The following PROKR2 variants were observed in gnomAD, a reference collection of about 807,000 sequenced individuals.
PROKR2 encodes the protein G protein-coupled receptor 73-like 1.
PROKR2 carries 26 observed loss-of-function variants against 23.4 expected under a neutral mutation model. The observed-to-expected ratio is 1.11, with a 90% confidence interval of 0.81 to 1.54. The LOEUF is 1.54. Ranked by LOEUF, PROKR2 falls within the 40% of genes most tolerant of loss-of-function variation. The pLI is 0.00. For synonymous variants in PROKR2, 212 were observed against 201.2 expected, an observed-to-expected ratio of 1.05 and a Z score of -0.45; for missense variants, 453 against 511.5, an observed-to-expected ratio of 0.89 and a Z score of 1.10.
In PROKR2 at chr20:5,314,184, G is replaced by A. The variant is rs1377174077; in HGVS notation, c.186C>T (p.Gly62=). ...TACCGATGCCGCAGACCAGCATGAT[G>A]CCTGCCAGTGCAATGCCAATGACGA... is the stretch of plus-strand genomic sequence containing the variant. The part of the protein sequence containing the change: ...AKIVIGIALA[G]IMLVCGIGNF... The change falls in exon 2 of 3, where the codon GGC becomes GGT. Residue 62 remains glycine, a synonymous_variant. Coordinates refer to ENST00000678254, the MANE Select transcript of PROKR2 (RefSeq NM_144773.4). The A allele has an allele frequency of 6.2e-7, 1 of 1,614,222 alleles. No individual in the cohort carries two copies. The highest frequency in any genetic ancestry group is 1.7e-5 in the Admixed American group (1 of 60,020).
At position 5,316,185 on chromosome 20, in the gene PROKR2, C is replaced by G. The variant is rs900868221; in HGVS notation, c.-9+309G>C. The G allele has an allele frequency of 4.4e-6, 2 of 456,646 alleles. 1 individual carries two copies. The highest frequency in any genetic ancestry group is 4.7e-5 in the Admixed American group (2 of 42,580). 28.3% of individuals were successfully genotyped at this position (456,646 alleles called of 1,614,324 possible). On this transcript the variant is annotated intron_variant, in intron 1 of 2. Transcript: ENST00000678254. This position sits in a 1 kb window ranked among gnomAD's most constrained non-coding sequence, Gnocchi z 5.0. ...TCCTGCTCACCTTTCAGGAAGGTGC[C>G]CCTCTACCTGCACCCTCCCCTGCAA...
rs1978977613 is a variant in PROKR2 at position 5,301,273 on chromosome 20, C to G, written c.*767G>C. On this transcript the variant is annotated 3_prime_UTR_variant, in exon 3 of 3. Coordinates refer to ENST00000678254, the MANE Select transcript of PROKR2 (RefSeq NM_144773.4). ...CCTGAGACAGAGTCTCACTCTGTCA[C>G]TCAGGCTGGAGTGCAGTGGAGCAAT... Among the ~76,000 whole-genome samples, 1 of 152,168 alleles carries G rather than the reference C, an allele frequency of 6.6e-6. No homozygotes were observed. Among genetic ancestry groups the G allele is most frequent in the African/African-American group, 2.4e-5 (1 of 41,428 alleles).
chr20:5,302,199 G>A lies in PROKR2; in HGVS notation c.996C>T (p.Cys332=), dbSNP rs1979016644. 1.2e-6 allele frequency: 2 copies of A among 1,614,112 alleles called. No individual in the cohort carries two copies. The highest frequency in any genetic ancestry group is 1.7e-6 in the Non-Finnish European group (2 of 1,180,048). Residue 332 remains cysteine (C), a synonymous_variant, in exon 3 of 3, where the codon TGC becomes TGT. Transcript: ENST00000678254. The stretch of plus-strand genomic sequence containing the variant: ...TGGTGTTGTTCTTGACCGTCACGAA[G>A]CACACGGTGTTGATCATGCTGTTGC... ...AMSNSMINTV[C]FVTVKNNTMK... is the part of the protein sequence containing the mutation.
In PROKR2 at chr20:5,299,363, C is replaced by G. The variant is rs535360455; in HGVS notation, c.*2677G>C. ...TGGTATATTCTAGGACAAAAAGGAA[C>G]AGGGTGATGAATCCTGCTGACAGAC... On this transcript the variant is annotated 3_prime_UTR_variant, in exon 3 of 3. Transcript: ENST00000678254. Among the ~76,000 whole-genome samples, 15 of 152,164 alleles carry G rather than the reference C, an allele frequency of 9.9e-5. No individual in the cohort carries two copies. In the East Asian group the frequency reaches 2.3e-3, roughly 24 times the overall value.
chr20:5,308,192 G>A (rs1009696637), intron 2 of PROKR2, among the ~76,000 whole-genome samples: 1 of 106,846 alleles, frequency 9.4e-6, no homozygotes, highest in Non-Finnish European at 2.0e-5. Context: ...TTGGGAACAG[G>A]CCCCCCCCCC....
rs1282256826 is a variant in PROKR2 at position 5,313,925 on chromosome 20, T to C, written c.445A>G (p.Ile149Val). Reference sequence around the variant, plus strand: ...CACCATCCTCACCTGTCAATGGCAATGGCCAGCAAGGCATTGGTGGAGACG... The same window carrying C: ...CACCATCCTCACCTGTCAATGGCAACGGCCAGCAAGGCATTGGTGGAGACG... ...LYVSTNALLA[I>V]AIDRYLAIVH... is the part of the protein sequence containing the mutation. The change falls in exon 2 of 3, where the codon ATT becomes GTT. Residue 149 changes from isoleucine (I) to valine (V), a missense_variant. Ile to Val is a conservative substitution (Grantham distance 29). Coordinates refer to ENST00000678254, the MANE Select transcript of PROKR2 (RefSeq NM_144773.4). The C allele has an allele frequency of 6.2e-7, 1 of 1,613,750 alleles. No individual in the cohort carries two copies. The highest frequency in any genetic ancestry group is 8.5e-7 in the Non-Finnish European group (1 of 1,179,772).
At chr20:5,312,643 G>C (rs1979485417) in intron 2 of PROKR2, among the ~76,000 whole-genome samples, 1 of 152,104 alleles carries the variant, frequency 6.6e-6, no homozygotes, top group South Asian at 2.1e-4. Context: ...TGAATAAAGA[G>C]AAAAAATCTA....
Position 5,316,346 on chromosome 20 carries a change from G to A in PROKR2, c.-9+148C>T. 2.2e-6 allele frequency: 1 copy of A among 456,696 alleles called. No homozygotes were observed. The highest frequency in any genetic ancestry group is 1.5e-5 in the South Asian group (1 of 64,572). The allele number at this position is 456,696 out of a possible 1,614,324, so 28.3% of individuals were successfully genotyped here. On this transcript the variant is annotated intron_variant, in intron 1 of 2. Coordinates refer to ENST00000678254, the MANE Select transcript of PROKR2 (RefSeq NM_144773.4). The surrounding 1 kb of genome is among the most constrained non-coding windows in gnomAD (Gnocchi z 5.0). ...TCTCCTGAAACCAACTCGCCTGCTTGGAGCCAGCCCCGACGCATATCTCGA... is the reference window on the plus strand; with the variant it reads ...TCTCCTGAAACCAACTCGCCTGCTTAGAGCCAGCCCCGACGCATATCTCGA...
At chr20:5,307,644 C>A (rs1339006115) in intron 2 of PROKR2, among the ~76,000 whole-genome samples, 2 of 152,222 alleles carry the variant, frequency 1.3e-5, no homozygotes, top group Non-Finnish European at 2.9e-5. Flanking sequence ...ACCTCTCAGT[C>A]TGCGTGCCAT....
rs972534658 is a variant in PROKR2, at chr20:5,315,624, G to C, written c.-9+870C>G. On this transcript the variant is annotated intron_variant, in intron 1 of 2. Coordinates refer to ENST00000678254, the MANE Select transcript of PROKR2 (RefSeq NM_144773.4). ...CAATGCATTTGGTCCACTCCTGCGA[G>C]GGGAGGAGAACGCCGAGGGACAGGA... 50 of 348,174 alleles carry C rather than the reference G, an allele frequency of 1.4e-4. 1 individual carries two copies. The Admixed American group carries it at 1.9e-3, about 13-fold the overall frequency. The allele number at this position is 348,174 out of a possible 1,614,324, so 21.6% of individuals were successfully genotyped here.
chr20:5,309,432 CTTT>C (rs1979348768), intron 2 of PROKR2, among the ~76,000 whole-genome samples: 1 of 152,136 alleles, frequency 6.6e-6, no homozygotes, highest in South Asian at 2.1e-4. Context: ...GGGCTGATGA[CTTT>C]TTCCCTTTCC....
chr20:5,301,378 G>A lies in PROKR2; in HGVS notation c.*662C>T, dbSNP rs1320567715. ...CTCCTGAGTAACTGGGATTACAGGC[G>A]CCCGCCACCACGCCTAGCTAATTTT... On this transcript the variant is annotated 3_prime_UTR_variant, in exon 3 of 3. Transcript: ENST00000678254. 1.3e-5 allele frequency among the ~76,000 whole-genome samples: 2 copies of A among 152,072 alleles called. No homozygotes were observed. Among genetic ancestry groups the A allele is most frequent in the Admixed American group, 6.6e-5 (1 of 15,258 alleles).
At chr20:5,309,810 A>G (rs1365486140) in intron 2 of PROKR2, among the ~76,000 whole-genome samples, 1 of 152,196 alleles carries the variant, frequency 6.6e-6, no homozygotes, top group African/African-American at 2.4e-5. Flanking sequence ...TCAATAACCC[A>G]TGCCAAAGGG....
intron 1 of PROKR2, among the ~76,000 whole-genome samples, chr20:5,315,330 C>T (rs1356990012): frequency 6.6e-6 from 1 of 152,210 alleles, no homozygotes; most frequent in Non-Finnish European, 1.5e-5. Context: ...CCAGAGTCAA[C>T]CCTGCCTGAA....
Position 5,314,088 on chromosome 20 carries a change from G to C in PROKR2, c.282C>G (p.Asn94Lys). The C allele has an allele frequency of 3.1e-6, 5 of 1,614,220 alleles. No homozygotes were observed. The highest frequency in any genetic ancestry group is 4.2e-6 in the Non-Finnish European group (5 of 1,180,038). ...LRNLTNLLIA[N>K]LAISDFLVAI... is the part of the protein sequence containing the mutation. ...CCACCAGGAAGTCGGAGATGGCCAG[G>C]TTGGCAATGAGCAGATTGGTGAGGT... The change falls in exon 2 of 3, where the codon AAC becomes AAG. Residue 94 changes from asparagine (N) to lysine (K), a missense_variant. Transcript: ENST00000678254.
chr20:5,315,574 G>A (rs756082475), intron 1 of PROKR2, among the ~76,000 whole-genome samples: 4 of 152,146 alleles, frequency 2.6e-5, no homozygotes, highest in Non-Finnish European at 5.9e-5. Flanking sequence ...GGGATGCTGG[G>A]TAGCAAGGAG....
rs746450179 is a variant in PROKR2, at chr20:5,314,036, C to A, written c.334G>T (p.Asp112Tyr). ...GAGAGCTGCCGTACCACGTAGTAGT[C>A]CATCTCGAAGGGGCAGCAGATGATG... ...VAIICCPFEMDYYVVRQLSWE... is the reference protein window; with the variant it reads ...VAIICCPFEMYYYVVRQLSWE... Residue 112 changes from aspartate to tyrosine, a missense_variant, in exon 2 of 3, where the codon GAC (aspartate) becomes TAC (tyrosine). Coordinates refer to ENST00000678254, the MANE Select transcript of PROKR2 (RefSeq NM_144773.4). The A allele has an allele frequency of 1.2e-6, 2 of 1,614,198 alleles. No homozygotes were observed. Among genetic ancestry groups the A allele is most frequent in the Non-Finnish European group, 1.7e-6 (2 of 1,180,028 alleles).
chr20:5,305,648 A>G (rs1329398050), intron 2 of PROKR2, among the ~76,000 whole-genome samples: 2 of 151,854 alleles, frequency 1.3e-5, no homozygotes, highest in Non-Finnish European at 2.9e-5. Context: ...AAATCAAATT[A>G]CTGATAAACG....
intron 2 of PROKR2, among the ~76,000 whole-genome samples, chr20:5,311,089 T>C (rs1486530273): frequency 6.6e-6 from 1 of 152,210 alleles, no homozygotes; most frequent in Non-Finnish European, 1.5e-5. Context: ...GGAAGATCCA[T>C]CAATGATGAT....
Sources: gnomAD v4.1 joint callset for allele counts (sites outside exome capture counted in the v4.1 genomes callset) on GRCh38, gnomAD v4.1.1 for gene constraint, Gnocchi (gnomAD v3.1) non-coding constraint, MANE v1.5 for transcripts, NCBI Gene and HGNC (gene_info 2026-07-23, HGNC 2026-07-21) for gene names.